NEMF: variants seen among roughly 807,000 people sequenced by gnomAD.
The protein encoded by NEMF is nuclear export mediator factor, also known as ribosome quality control complex subunit NEMF.
A neutral mutation model predicts 162.2 loss-of-function variants in NEMF; 89 were observed. The ratio of observed to expected loss-of-function variants is 0.55; its 90% CI spans 0.46 to 0.65. NEMF has a LOEUF of 0.65. NEMF is among the 30% of genes least tolerant of loss of function. The pLI, the probability that NEMF is intolerant of heterozygous loss-of-function variation, is 0.00. For missense variants in NEMF, 1,133 were observed against 1,261.9 expected, an observed-to-expected ratio of 0.90 and a Z score of 1.55; for synonymous variants, 421 against 404.5, an observed-to-expected ratio of 1.04 and a Z score of -0.49.
At chr14:49,816,727 CTAAAAG>C (rs1891733899) in intron 16 of NEMF, among the ~76,000 whole-genome samples, 1 of 152,118 alleles carries the variant, frequency 6.6e-6, no homozygotes, top group Non-Finnish European at 1.5e-5. Context: ...CTTTTTTCAC[CTAAAAG>C]TACATTTTCT....
In NEMF at chr14:49,805,374, C is replaced by T. The variant is rs139119416; in HGVS notation, c.1857+647G>A. Among the ~76,000 whole-genome samples, 861 of 151,876 alleles carry T rather than the reference C, an allele frequency of 5.7e-3. 12 individuals are homozygous for T. The highest frequency in any genetic ancestry group is 0.02 in the African/African-American group (820 of 41,442). ...TAGAATGAAGTATCACCAAACTCAA[C>T]AGCACTGGCCAGGCACCATGGCTCA... is the stretch of plus-strand genomic sequence containing the variant. On this transcript the variant is annotated intron_variant, in intron 19 of 32. Transcript: ENST00000298310.
In NEMF at chr14:49,832,243, C is replaced by G. The variant is rs746780772; in HGVS notation, c.770G>C (p.Ser257Thr). 3 of 1,609,798 alleles carry G rather than the reference C, an allele frequency of 1.9e-6. No homozygotes were observed. Among genetic ancestry groups the G allele is most frequent in the Non-Finnish European group, 1.7e-6 (2 of 1,176,540 alleles). Residue 257 changes from serine to threonine, a missense_variant, in exon 9 of 33, where the codon AGC becomes ACC. Coordinates refer to ENST00000298310, the MANE Select transcript of NEMF (RefSeq NM_004713.6). ...YIIQKREIKP[S>T]LEADKPVEDI... ...TTCAACTGGTTTATCTGCTTCCAAG[C>G]TTGGTTTTATTTCTCTTTTCTGAAT...
At position 49,851,680 on chromosome 14, in the gene NEMF, AGTC is replaced by A; in HGVS notation, c.129-18_129-16del. The A allele has an allele frequency of 6.2e-7, 1 of 1,607,582 alleles. No homozygotes were observed. The highest frequency in any genetic ancestry group is 8.5e-7 in the Non-Finnish European group (1 of 1,174,354). On this transcript the variant is annotated splice_polypyrimidine_tract_variant and intron_variant, in intron 2 of 32. Coordinates refer to ENST00000298310, the MANE Select transcript of NEMF (RefSeq NM_004713.6). The stretch of plus-strand genomic sequence containing the variant: ...TAAAGTCCGGTCTGTAGAAGAAAAA[AGTC>A]GAATTTTTCTTTAGGGTATATGCCA...
At chr14:49,786,478 A>G (rs1890185103) in intron 29 of NEMF, 3 of 518,442 alleles carry the variant, frequency 5.8e-6, no homozygotes, top group African/African-American at 3.8e-5. Context: ...TATCAAAACA[A>G]CCCTCTCCTG....
chr14:49,847,892 C>T (rs1893587300), intron 3 of NEMF, among the ~76,000 whole-genome samples: 1 of 151,704 alleles, frequency 6.6e-6, no homozygotes, highest in South Asian at 2.1e-4. Flanking sequence ...ATTAGCTGGG[C>T]GTGCTGGCGC....
chr14:49,786,787 A>G (rs920225773), intron 28 of NEMF, 37 bp from the exon 29 acceptor site: 1 of 1,588,168 alleles, frequency 6.3e-7, no homozygotes, highest in Non-Finnish European at 8.6e-7. Context: ...TGTCAGCTAT[A>G]ATGTAAAATG....
intron 18 of NEMF, among the ~76,000 whole-genome samples, chr14:49,808,918 G>A (rs1891344499): frequency 6.6e-6 from 1 of 152,008 alleles, no homozygotes; most frequent in South Asian, 2.1e-4. Flanking sequence ...TATCTAATAA[G>A]CATATGAAAA....
chr14:49,807,534 T>C (rs1891273423), intron 18 of NEMF, among the ~76,000 whole-genome samples: 1 of 150,484 alleles, frequency 6.6e-6, no homozygotes, highest in Non-Finnish European at 1.5e-5. Flanking sequence ...ACACGTGTTA[T>C]TGTTTTCTCC....
chr14:49,852,735 T>G lies in NEMF; in HGVS notation c.19A>C (p.Thr7Pro). The change falls in exon 1 of 33, where the codon ACC becomes CCC. Residue 7 changes from threonine to proline, a missense_variant. Physicochemically the swap from Thr to Pro is conservative, Grantham distance 38. This residue lies in a region of NEMF where 582 missense variants were observed against 631.5 expected (regional missense o/e 0.92). Coordinates refer to ENST00000298310, the MANE Select transcript of NEMF (RefSeq NM_004713.6). MKSRFS[T>P]IDLRAVLAEL... The stretch of plus-strand genomic sequence containing the variant: ...GCGAGTACGGCGCGGAGGTCAATGG[T>G]GCTAAAGCGGCTCTTCATGGCGAGG... The G allele has an allele frequency of 6.2e-7, 1 of 1,614,220 alleles. No homozygotes were observed.
rs1432333179 is a variant in NEMF, at chr14:49,789,220, TCTTA to T, written c.2817_2820del (p.Glu942LeufsTer7). 1.2e-6 allele frequency: 2 copies of T among 1,613,996 alleles called. No individual in the cohort carries two copies. Among genetic ancestry groups the T allele is most frequent in the Non-Finnish European group, 1.7e-6 (2 of 1,179,972 alleles). On this transcript the variant is annotated frameshift_variant, in exon 28 of 33. Coordinates refer to ENST00000298310, the MANE Select transcript of NEMF (RefSeq NM_004713.6). LOFTEE classifies it high-confidence loss of function. ...ATAACCTCAAGGAACGGAGTTTCTT[TCTTA>T]ATGTTGTCAGAGACCCTCTGTCCAC... is the stretch of plus-strand genomic sequence containing the variant.
chr14:49,816,145 C>T (rs1021004306), intron 16 of NEMF, among the ~76,000 whole-genome samples: 5 of 151,888 alleles, frequency 3.3e-5, no homozygotes, highest in South Asian at 2.1e-4. Context: ...TTTTTTGTTG[C>T]GGGAAGTCAG....
intron 18 of NEMF, among the ~76,000 whole-genome samples, chr14:49,811,224 ATTGTT>A (rs994167027): frequency 6.6e-6 from 1 of 152,162 alleles, no homozygotes; most frequent in African/African-American, 2.4e-5. Flanking sequence ...TATAAATTGA[ATTGTT>A]TTATTAATTT....
chr14:49,845,062 C>T (rs1594808520), intron 4 of NEMF, among the ~76,000 whole-genome samples: 1 of 140,048 alleles, frequency 7.1e-6, no homozygotes, highest in African/African-American at 2.7e-5. Context: ...AGCCACCACA[C>T]CTGGCCCAGA....
intron 18 of NEMF, among the ~76,000 whole-genome samples, chr14:49,812,273 AT>A: frequency 6.6e-6 from 1 of 152,112 alleles, no homozygotes; most frequent in East Asian, 1.9e-4. Context: ...TCCCTATTTC[AT>A]TCCTGATTTT....
At chr14:49,849,744 G>C (rs1209444929) in intron 3 of NEMF, 1 of 152,134 alleles carries the variant, frequency 6.6e-6, no homozygotes, top group Non-Finnish European at 1.5e-5. Flanking sequence ...CCACTGAGTT[G>C]CTAAACAACT....
intron 26 of NEMF, among the ~76,000 whole-genome samples, chr14:49,791,965 T>G (rs535705227): frequency 1.1e-4 from 17 of 150,952 alleles, no homozygotes; most frequent in Non-Finnish European, 2.2e-4. Flanking sequence ...TTAAAGAAAT[T>G]GAAATTAGTT....
chr14:49,846,859 T>C (rs1005085051), intron 3 of NEMF, among the ~76,000 whole-genome samples: 11 of 152,226 alleles, frequency 7.2e-5, no homozygotes, highest in Non-Finnish European at 1.6e-4. Flanking sequence ...GTGGTCCTAA[T>C]GACCTCACTC....
At chr14:49,798,823 C>T (rs557754408) in intron 25 of NEMF, among the ~76,000 whole-genome samples, 435 of 152,098 alleles carry the variant, frequency 2.9e-3, no homozygotes, top group Non-Finnish European at 4.4e-3. Context: ...AGGAGAACGG[C>T]GTGAACCCGG....
chr14:49,806,297 T>G (rs1316270247), intron 18 of NEMF, among the ~76,000 whole-genome samples, 164 bp from the exon 19 acceptor site: 1 of 127,344 alleles, frequency 7.9e-6, no homozygotes, highest in Non-Finnish European at 1.6e-5. Context: ...AGTTTCGCTC[T>G]GTTGTTCTGG....
Sources: gnomAD v4.1 joint callset for allele counts (sites outside exome capture counted in the v4.1 genomes callset) on GRCh38, gnomAD v4.1.1 for gene constraint, gnomAD v4.1.1 regional missense constraint, MANE v1.5 for transcripts, NCBI Gene and HGNC (gene_info 2026-07-23, HGNC 2026-07-21) for gene names.